Variants in P3H2 observed in about 807,000 individuals in gnomAD.
The protein encoded by P3H2 is prolyl 3-hydroxylase 2.
Under a neutral mutation model 87.0 loss-of-function variants are expected in P3H2, and 80 were observed. The ratio of observed to expected loss-of-function variants is 0.92; its 90% CI spans 0.77 to 1.11. The LOEUF is 1.11. Among genes scored for constraint, P3H2 ranks in the 50% least tolerant of loss-of-function variants. The pLI is 0.00. For synonymous variants in P3H2, 367 were observed against 359.3 expected (o/e 1.02, Z -0.24); for missense variants, 1,001 against 923.9 (o/e 1.08, Z -1.08).
chr3:189,999,836 T>C (rs1035432801), intron 1 of P3H2, among the ~76,000 whole-genome samples: 3 of 152,160 alleles, frequency 2.0e-5, no homozygotes, highest in African/African-American at 7.2e-5. Flanking sequence ...TCAAGAAGCT[T>C]AGGGCCATTT....
At chr3:190,028,685 T>A (rs1488458880) in intron 1 of P3H2, among the ~76,000 whole-genome samples, 4 of 152,062 alleles carry the variant, frequency 2.6e-5, no homozygotes, top group African/African-American at 9.7e-5. Context: ...AGACACTCTA[T>A]GTTTTACAAT....
intron 4 of P3H2, among the ~76,000 whole-genome samples, chr3:189,988,188 C>T (rs1438905348): frequency 6.6e-6 from 1 of 152,138 alleles, no homozygotes; most frequent in Admixed American, 6.6e-5. Flanking sequence ...CCCTTAAATC[C>T]TTCACTATAC....
At position 189,972,921 on chromosome 3, in the gene P3H2, G is replaced by A; in HGVS notation, c.1652C>T (p.Thr551Ile). ...CATGTGTGTATAGGAAAAATACAGAGTTGAGTTCAGCATAAAATAAGATTC... is the reference window on the plus strand; with the variant it reads ...CATGTGTGTATAGGAAAAATACAGAATTGAGTTCAGCATAAAATAAGATTC... ...IVESYFMLNS[T>I]LYFSYTHMVC... Residue 551 changes from threonine to isoleucine, a missense_variant, in exon 11 of 15, where the codon ACT becomes ATT. Transcript: ENST00000319332. The A allele has an allele frequency of 6.2e-7, 1 of 1,613,866 alleles. No individual in the cohort carries two copies. Among genetic ancestry groups the A allele is most frequent in the South Asian group, 1.1e-5 (1 of 91,082 alleles).
At chr3:190,048,306 G>A (rs925998569) in intron 1 of P3H2, among the ~76,000 whole-genome samples, 16 of 152,086 alleles carry the variant, frequency 1.1e-4, no homozygotes, top group African/African-American at 3.9e-4. Context: ...GACCAGCCTG[G>A]CCAACATGGT....
intron 13 of P3H2, among the ~76,000 whole-genome samples, chr3:189,965,978 AAAAAGAAAGAAAG>A (rs1166848296): frequency 6.6e-6 from 1 of 150,930 alleles, no homozygotes; most frequent in South Asian, 2.1e-4. Flanking sequence ...AGAAAAAAAA[AAAAAGAAAGAAAG>A]AAAAGAAAGA....
chr3:190,093,685 GA>G (rs1186464422), intron 1 of P3H2, among the ~76,000 whole-genome samples: 7 of 151,938 alleles, frequency 4.6e-5, no homozygotes, highest in Non-Finnish European at 7.4e-5. Context: ...CTGAGTGGAA[GA>G]AAAAAAGTGA....
At chr3:190,099,921 A>T (rs1711556811) in intron 1 of P3H2, among the ~76,000 whole-genome samples, 1 of 152,270 alleles carries the variant, frequency 6.6e-6, no homozygotes, top group South Asian at 2.1e-4. Flanking sequence ...ATTTCTTCAG[A>T]ACCCTGACAC....
intron 1 of P3H2, among the ~76,000 whole-genome samples, chr3:190,042,847 C>A (rs1290162714): frequency 6.6e-5 from 10 of 152,010 alleles, no homozygotes. Flanking sequence ...ACTGTTGAGC[C>A]CTTAACATTT....
At chr3:190,093,231 C>G (rs902059269) in intron 1 of P3H2, among the ~76,000 whole-genome samples, 1 of 152,220 alleles carries the variant, frequency 6.6e-6, no homozygotes, top group African/African-American at 2.4e-5. Flanking sequence ...AGAGACATAG[C>G]TCTGTGTCAT....
chr3:190,038,433 T>C (rs1319181141), intron 1 of P3H2, among the ~76,000 whole-genome samples: 2 of 140,464 alleles, frequency 1.4e-5, no homozygotes, highest in Non-Finnish European at 3.0e-5. Context: ...TCACCCCAGG[T>C]GTCCTCCTAG....
intron 1 of P3H2, among the ~76,000 whole-genome samples, chr3:190,032,987 C>T (rs910086252): frequency 2.0e-5 from 3 of 152,156 alleles, no homozygotes; most frequent in African/African-American, 7.2e-5. Flanking sequence ...GAGTCCTGAG[C>T]TTGTTTTCTG....
intron 1 of P3H2, among the ~76,000 whole-genome samples, chr3:190,007,424 C>T (rs1403079131): frequency 6.6e-6 from 1 of 152,066 alleles, no homozygotes; most frequent in African/African-American, 2.4e-5. Flanking sequence ...TTTCATTTCA[C>T]TTTGAGCTAG....
intron 1 of P3H2, 32 bp downstream of exon 1, chr3:190,120,220 G>A (rs1335839846): frequency 6.2e-7 from 1 of 1,602,308 alleles, no homozygotes; most frequent in Non-Finnish European, 8.5e-7. Flanking sequence ...GAGCCGCAGG[G>A]GCTTTGCAGT....
At chr3:190,020,872 A>AAAAT (rs1724911067) in intron 1 of P3H2, among the ~76,000 whole-genome samples, 1 of 134,770 alleles carries the variant, frequency 7.4e-6, no homozygotes, top group African/African-American at 2.6e-5. Context: ...CAATGTCTAC[A>AAAAT]AAATCCCTAT....
chr3:190,069,993 G>A (rs547148560), intron 1 of P3H2, among the ~76,000 whole-genome samples: 8 of 151,908 alleles, frequency 5.3e-5, no homozygotes, highest in East Asian at 1.9e-4. Context: ...TTGTGGTAAC[G>A]GAGAAGTGAG....
At chr3:190,076,155 A>G (rs1018413047) in intron 1 of P3H2, among the ~76,000 whole-genome samples, 5 of 128,206 alleles carry the variant, frequency 3.9e-5, no homozygotes, top group East Asian at 4.0e-4. Flanking sequence ...TTAAGATATG[A>G]AAAAAAAAAA....
At chr3:190,071,567 A>G (rs114378074) in intron 1 of P3H2, among the ~76,000 whole-genome samples, 4,059 of 152,292 alleles carry the variant, frequency 0.027, 172 homozygotes, top group African/African-American at 0.092. Flanking sequence ...TAAAAGCACA[A>G]TTGTGCTGTT....
intron 1 of P3H2, among the ~76,000 whole-genome samples, chr3:190,009,946 T>C (rs1724534587): frequency 6.6e-6 from 1 of 152,136 alleles, no homozygotes; most frequent in South Asian, 2.1e-4. Context: ...ATTAAATCTG[T>C]GTGTCTAGGA....
At chr3:190,102,063 A>G (rs1711644792) in intron 1 of P3H2, among the ~76,000 whole-genome samples, 1 of 152,186 alleles carries the variant, frequency 6.6e-6, no homozygotes, top group African/African-American at 2.4e-5. Flanking sequence ...TTTTAAGCCC[A>G]CTGTTATCTG....
Sources: gnomAD v4.1 joint callset for allele counts (sites outside exome capture counted in the v4.1 genomes callset) on GRCh38, gnomAD v4.1.1 for gene constraint, MANE v1.5 for transcripts, NCBI Gene and HGNC (gene_info 2026-07-23, HGNC 2026-07-21) for gene names.